The following EDARADD variants were observed in gnomAD, a reference collection of about 807,000 sequenced individuals.
EDARADD encodes EDAR associated via death domain.
A neutral mutation model predicts 25.6 loss-of-function variants in EDARADD; 20 were observed. The ratio of observed to expected loss-of-function variants is 0.78; its 90% CI spans 0.55 to 1.14. The LOEUF is 1.14. EDARADD is among the 50% of genes most tolerant of loss of function. The pLI is 0.00. For synonymous variants in EDARADD, 86 were observed against 94.4 expected (o/e 0.91, Z 0.52); for missense variants, 225 against 270.1 (o/e 0.83, Z 1.17).
At chr1:236,392,364 T>A (rs1667435854), upstream of EDARADD, among the ~76,000 whole-genome samples, 1 of 152,172 alleles carries the variant, frequency 6.6e-6, no homozygotes. Context: ...AGGGTCTCAT[T>A]CTGTCACCCA....
At chr1:236,455,976 A>G (rs1341108812) in intron 4 of EDARADD, among the ~76,000 whole-genome samples, 1 of 152,158 alleles carries the variant, frequency 6.6e-6, no homozygotes, top group Admixed American at 6.5e-5. Flanking sequence ...TTTTTAGTAG[A>G]GATGGAGTTT....
Position 236,483,872 on chromosome 1 carries a change from C to T in EDARADD, c.*1223C>T, listed in dbSNP as rs1028537754. The T allele has an allele frequency of 7.2e-7, 1 of 1,390,866 alleles. No individual in the cohort carries two copies. Among genetic ancestry groups the T allele is most frequent in the Non-Finnish European group, 1.0e-6 (1 of 978,960 alleles). 86.2% of individuals were successfully genotyped at this position (1,390,866 alleles called of 1,614,324 possible). On this transcript the variant is annotated 3_prime_UTR_variant, in exon 6 of 6. Coordinates refer to ENST00000334232, the MANE Select transcript of EDARADD (RefSeq NM_145861.4). The stretch of plus-strand genomic sequence containing the variant: ...AGACTGCGATTGGGAAAGCTGGCTA[C>T]ACTGATAAGGTGATCGTCAGCATGG...
At chr1:236,362,886 C>G (rs538477922) in intron 3 of EDARADD, among the ~76,000 whole-genome samples, 134 of 146,776 alleles carry the variant, frequency 9.1e-4, no homozygotes, top group African/African-American at 3.0e-3. Flanking sequence ...TATTTGTGGG[C>G]TGGTTGCAGT....
At chr1:236,367,763 T>C (rs564610031) in intron 3 of EDARADD, among the ~76,000 whole-genome samples, 1 of 152,332 alleles carries the variant, frequency 6.6e-6, no homozygotes, top group South Asian at 2.1e-4. Flanking sequence ...CTACTGTTGA[T>C]ATACATTTCA....
chr1:236,449,540 G>A (rs1374036298), intron 4 of EDARADD, among the ~76,000 whole-genome samples: 2 of 152,200 alleles, frequency 1.3e-5, no homozygotes, highest in African/African-American at 2.4e-5. Flanking sequence ...GCAGAAGGCT[G>A]GAGTTTTCCA....
intron 4 of EDARADD, among the ~76,000 whole-genome samples, chr1:236,432,394 GAA>G (rs5781880): frequency 2.9e-4 from 40 of 138,152 alleles, no homozygotes; most frequent in African/African-American, 1.1e-3. Context: ...GCCACCAAAA[GAA>G]AAAAAAAAAA....
At chr1:236,388,548 TTA>T (rs1176372954) in intron 3 of EDARADD, among the ~76,000 whole-genome samples, 1 of 152,248 alleles carries the variant, frequency 6.6e-6, no homozygotes, top group Non-Finnish European at 1.5e-5. Flanking sequence ...AGATTTCTTT[TTA>T]TGTTTTTCAC....
At chr1:236,424,269 C>T (rs1348426298) in intron 3 of EDARADD, among the ~76,000 whole-genome samples, 1 of 148,788 alleles carries the variant, frequency 6.7e-6, no homozygotes, top group East Asian at 2.0e-4. Flanking sequence ...CCAAGTGATC[C>T]TCCCACCTCA....
upstream of EDARADD, among the ~76,000 whole-genome samples, chr1:236,391,872 A>C (rs913375223): frequency 1.3e-5 from 2 of 152,128 alleles, no homozygotes; most frequent in African/African-American, 4.8e-5. Flanking sequence ...TGTGCCCATG[A>C]GTTAAAGCCT....
intron 5 of EDARADD, among the ~76,000 whole-genome samples, chr1:236,478,775 A>G (rs1284787513): frequency 6.6e-6 from 1 of 152,012 alleles, no homozygotes; most frequent in Non-Finnish European, 1.5e-5. Context: ...TTTAGTAGAG[A>G]CTGGGTTTCA....
chr1:236,439,619 T>C (rs760915648), intron 4 of EDARADD, among the ~76,000 whole-genome samples: 1 of 152,236 alleles, frequency 6.6e-6, no homozygotes, highest in Non-Finnish European at 1.5e-5. Flanking sequence ...AGAGCATCAT[T>C]TTATAGCTTA....
intron 4 of EDARADD, among the ~76,000 whole-genome samples, chr1:236,446,270 T>G (rs534879479): frequency 9.2e-5 from 14 of 152,206 alleles, no homozygotes; most frequent in African/African-American, 3.4e-4. Context: ...AGTTCAGTAT[T>G]TTTCAAACTT....
chr1:236,438,569 A>G (rs1396958849), intron 4 of EDARADD, among the ~76,000 whole-genome samples: 1 of 152,144 alleles, frequency 6.6e-6, no homozygotes, highest in Non-Finnish European at 1.5e-5. Flanking sequence ...ACCCCATGTC[A>G]TTTTATCCTC....
intron 2 of EDARADD, chr1:236,349,073 G>T (rs1487531917): frequency 6.6e-6 from 1 of 152,118 alleles, no homozygotes; most frequent in East Asian, 1.9e-4. Flanking sequence ...TAGAGACAGG[G>T]TCTTGCCATA....
In EDARADD at chr1:236,468,257, C is replaced by T. The variant is rs766731640; in HGVS notation, c.246C>T (p.Ser82=). The part of the protein sequence containing the change: ...NQGEENGFPD[S]TGDPLPEISK... ...GAGAAGAAAATGGCTTTCCAGATAG[C>T]ACTGGAGATCCTCTTCCAGGTAAAT... is the stretch of plus-strand genomic sequence containing the variant. The change falls in exon 5 of 6, where the codon AGC becomes AGT. Residue 82 remains serine (S), a synonymous_variant. Coordinates refer to ENST00000334232, the MANE Select transcript of EDARADD (RefSeq NM_145861.4). 54 of 1,613,978 alleles carry T rather than the reference C, an allele frequency of 3.3e-5. No individual in the cohort carries two copies. The highest frequency in any genetic ancestry group is 4.2e-5 in the Non-Finnish European group (50 of 1,179,964).
rs184313975 is a variant in EDARADD, at chr1:236,472,919, G to A, written c.265+4643G>A. On this transcript the variant is annotated intron_variant, in intron 5 of 5. Transcript: ENST00000334232. ...GGTGTCCTCTCCATAGCAATCTTGCGGCTGCCTTGTTAACACCAAAAAAAC... is the reference window on the plus strand; with the variant it reads ...GGTGTCCTCTCCATAGCAATCTTGCAGCTGCCTTGTTAACACCAAAAAAAC... 1.1e-4 allele frequency among the ~76,000 whole-genome samples: 17 copies of A among 150,188 alleles called. No homozygotes were observed. In the East Asian group the frequency reaches 2.3e-3, roughly 20 times the overall value.
At chr1:236,356,426 G>T (rs1666975917) in intron 3 of EDARADD, among the ~76,000 whole-genome samples, 1 of 152,162 alleles carries the variant, frequency 6.6e-6, no homozygotes, top group Admixed American at 6.6e-5. Context: ...TTAGCCCGGA[G>T]AACAATGATT....
At chr1:236,442,125 C>T (rs1571937272) in intron 4 of EDARADD, among the ~76,000 whole-genome samples, 1 of 149,930 alleles carries the variant, frequency 6.7e-6, no homozygotes, top group South Asian at 2.1e-4. Flanking sequence ...GACTTTCTTT[C>T]TTTCTTTTTT....
At chr1:236,388,103 G>T (rs1667377805) in intron 3 of EDARADD, among the ~76,000 whole-genome samples, 1 of 147,156 alleles carries the variant, frequency 6.8e-6, no homozygotes, top group Admixed American at 7.0e-5. Flanking sequence ...TATAGGGTGA[G>T]ACAGAAATAT....
Sources: allele counts gnomAD v4.1 joint callset (sites outside exome capture counted in the v4.1 genomes callset), GRCh38; gene constraint gnomAD v4.1.1; transcripts MANE v1.5; gene names NCBI Gene and HGNC (gene_info 2026-07-23, HGNC 2026-07-21).